DGKB: variants seen among roughly 807,000 people sequenced by gnomAD.
The protein encoded by DGKB is 90 kDa diacylglycerol kinase.
Under a neutral mutation model 114.3 loss-of-function variants are expected in DGKB, and 67 were observed. The observed-to-expected ratio is 0.59, with a 90% CI of 0.48 to 0.72. The LOEUF (loss-of-function observed/expected upper bound fraction) is 0.72, where lower values mean the gene tolerates loss of function less well. DGKB is among the 30% of genes least tolerant of loss of function. The pLI is 0.00. For synonymous variants in DGKB, 398 were observed against 323.1 expected (o/e 1.23, Z -2.49); for missense variants, 907 against 975.2 (o/e 0.93, Z 0.93).
intron 17 of DGKB, among the ~76,000 whole-genome samples, chr7:14,590,291 T>C (rs974679464): frequency 1.3e-5 from 2 of 152,110 alleles, no homozygotes; most frequent in African/African-American, 2.4e-5. Context: ...CTGTAGCAAT[T>C]TGATTCTCCC....
intron 23 of DGKB, among the ~76,000 whole-genome samples, chr7:14,271,202 T>C (rs1798224191): frequency 6.6e-6 from 1 of 152,224 alleles, no homozygotes; most frequent in East Asian, 1.9e-4. Flanking sequence ...TAAGTTCACT[T>C]TCCCTTGTAT....
At chr7:14,293,942 G>A (rs1802138204) in intron 23 of DGKB, among the ~76,000 whole-genome samples, 1 of 152,026 alleles carries the variant, frequency 6.6e-6, no homozygotes, top group African/African-American at 2.4e-5. Flanking sequence ...CTAATTTAGT[G>A]GCTTAAAGCA....
intron 20 of DGKB, among the ~76,000 whole-genome samples, chr7:14,495,517 A>G (rs1008752196): frequency 6.6e-6 from 1 of 151,488 alleles, no homozygotes; most frequent in African/African-American, 2.4e-5. Flanking sequence ...AACCAAGATG[A>G]CAATTTCAGC....
intron 25 of DGKB, among the ~76,000 whole-genome samples, chr7:14,170,134 C>CAAAA (rs762339951): frequency 0.067 from 2,215 of 32,820 alleles, 101 homozygotes; most frequent in Middle Eastern, 0.14. Context: ...AACTCCATCT[C>CAAAA]AAAAAAAAAA....
intron 23 of DGKB, among the ~76,000 whole-genome samples, chr7:14,192,955 A>G (rs1261997928): frequency 2.0e-5 from 3 of 152,022 alleles, no homozygotes; most frequent in African/African-American, 4.8e-5. Context: ...GCAGTTCACA[A>G]TAGGGTTTGC....
At chr7:14,239,537 T>A (rs190863837) in intron 23 of DGKB, among the ~76,000 whole-genome samples, 155 of 152,200 alleles carry the variant, frequency 1.0e-3, no homozygotes, top group African/African-American at 3.4e-3. Flanking sequence ...ATAATTTTAT[T>A]GTGTGATTAC....
chr7:14,651,497 C>G (rs912181713), intron 13 of DGKB, among the ~76,000 whole-genome samples: 1 of 145,260 alleles, frequency 6.9e-6, no homozygotes, highest in African/African-American at 2.5e-5. Flanking sequence ...TGGGACGTAT[C>G]TCAAAATAAT....
intron 21 of DGKB, among the ~76,000 whole-genome samples, chr7:14,351,898 A>G (rs977186823): frequency 6.6e-6 from 1 of 152,182 alleles, no homozygotes; most frequent in African/African-American, 2.4e-5. Flanking sequence ...AGAAATGTGT[A>G]CTTTTTTTTG....
chr7:14,218,505 C>T (rs1184489156), intron 23 of DGKB, among the ~76,000 whole-genome samples: 1 of 151,954 alleles, frequency 6.6e-6, no homozygotes, highest in Non-Finnish European at 1.5e-5. Context: ...AGATGTCTGC[C>T]AACAAAAGCT....
intron 6 of DGKB, among the ~76,000 whole-genome samples, chr7:14,714,351 A>T (rs1380814064): frequency 1.3e-5 from 2 of 152,142 alleles, no homozygotes; most frequent in East Asian, 3.9e-4. Context: ...TGGTTTGTGC[A>T]TATGTGTGCA....
chr7:14,955,719 A>G (rs1428236583), intron 1 of DGKB, among the ~76,000 whole-genome samples: 2 of 152,098 alleles, frequency 1.3e-5, no homozygotes, highest in Non-Finnish European at 2.9e-5. Flanking sequence ...AAACCTAGTT[A>G]AAATATCTGG....
chr7:14,478,753 T>G (rs1365117185), intron 20 of DGKB, among the ~76,000 whole-genome samples: 1 of 152,010 alleles, frequency 6.6e-6, no homozygotes, highest in Non-Finnish European at 1.5e-5. Context: ...TGATGTGTAA[T>G]TAATAACAGT....
intron 15 of DGKB, among the ~76,000 whole-genome samples, chr7:14,615,770 A>T (rs78511034): frequency 0.016 from 2,389 of 151,844 alleles, 70 homozygotes; most frequent in African/African-American, 0.054. Flanking sequence ...ATAAAGTATG[A>T]GATAAGTAAA....
At chr7:14,694,707 A>G (rs1021454806) in intron 8 of DGKB, among the ~76,000 whole-genome samples, 8 of 144,776 alleles carry the variant, frequency 5.5e-5, no homozygotes, top group African/African-American at 2.0e-4. Flanking sequence ...ACTTGCACGT[A>G]ATGTCTTAAA....
intron 9 of DGKB, among the ~76,000 whole-genome samples, chr7:14,692,407 C>T (rs1367001459): frequency 6.6e-6 from 1 of 151,888 alleles, no homozygotes; most frequent in African/African-American, 2.4e-5. Flanking sequence ...ATTGGAATTT[C>T]CTGACTAAAG....
chr7:14,974,298 G>A (rs1228683300), intron 1 of DGKB, among the ~76,000 whole-genome samples: 1 of 152,048 alleles, frequency 6.6e-6, no homozygotes. Flanking sequence ...CACCCCTGGG[G>A]AAAGGGGGCA....
chr7:14,657,885 A>T (rs1006496823), intron 13 of DGKB, among the ~76,000 whole-genome samples: 1 of 151,908 alleles, frequency 6.6e-6, no homozygotes, highest in African/African-American at 2.4e-5. Context: ...CAGATGAAAA[A>T]ATCTACAGAA....
At chr7:14,826,033 C>T (rs1295147068) in intron 2 of DGKB, among the ~76,000 whole-genome samples, 6 of 152,176 alleles carry the variant, frequency 3.9e-5, no homozygotes, top group Admixed American at 6.5e-5. Context: ...CTTACTGCTG[C>T]TGCCTGAGGC....
At chr7:14,276,238 G>A (rs1051874035) in intron 23 of DGKB, among the ~76,000 whole-genome samples, 2 of 152,112 alleles carry the variant, frequency 1.3e-5, no homozygotes, top group African/African-American at 4.8e-5. Flanking sequence ...AAAAAGGCAA[G>A]TAAATCTATG....
Sources: allele counts gnomAD v4.1 joint callset (sites outside exome capture counted in the v4.1 genomes callset), GRCh38; gene constraint gnomAD v4.1.1; transcripts MANE v1.5; gene names NCBI Gene and HGNC (gene_info 2026-07-23, HGNC 2026-07-21).